The following ZNF420 variants were observed in gnomAD, a reference collection of about 807,000 sequenced individuals.
ZNF420 encodes the protein ATM and p53-associated KZNF protein.
In ZNF420, 31 loss-of-function variants were observed where a neutral mutation model predicts 44.7. That is an observed-to-expected ratio of 0.69 (90% CI 0.52 to 0.94). The LOEUF (loss-of-function observed/expected upper bound fraction) is 0.94. Ranked by LOEUF, ZNF420 falls within the 40% of genes least tolerant of loss-of-function variation. ZNF420 has a pLI of 0.00. For synonymous variants in ZNF420, 245 were observed against 267.4 expected, an observed-to-expected ratio of 0.92 and a Z score of 0.82; for missense variants, 681 against 827.9, an observed-to-expected ratio of 0.82 and a Z score of 2.18.
At chr19:37,084,526 T>C (rs929111599) in intron 2 of ZNF420, among the ~76,000 whole-genome samples, 1 of 152,196 alleles carries the variant, frequency 6.6e-6, no homozygotes, top group Non-Finnish European at 1.5e-5. Flanking sequence ...TTTAGTATTA[T>C]GGTTATTTGG....
chr19:37,104,563 T>C (rs1969969352), intron 4 of ZNF420, among the ~76,000 whole-genome samples: 1 of 152,208 alleles, frequency 6.6e-6, no homozygotes, highest in Non-Finnish European at 1.5e-5. Context: ...ATTGCCACAT[T>C]GTCTTCCACA....
chr19:37,075,911 C>T (rs2146461178), upstream of ZNF420, among the ~76,000 whole-genome samples: 1 of 152,256 alleles, frequency 6.6e-6, no homozygotes, highest in Non-Finnish European at 1.5e-5. Context: ...GTGTATCCCT[C>T]TATAAAATAT....
At chr19:37,075,468 C>T (rs1206003033), upstream of ZNF420, among the ~76,000 whole-genome samples, 2 of 152,024 alleles carry the variant, frequency 1.3e-5, no homozygotes, top group Admixed American at 6.5e-5. Flanking sequence ...AGAGGCCGGG[C>T]GCGGTAGCTC....
At position 37,127,579 on chromosome 19, in the gene ZNF420, A is replaced by G; in HGVS notation, c.588A>G (p.Ala196=). 4 of 1,614,072 alleles carry G rather than the reference A, an allele frequency of 2.5e-6. No homozygotes were observed. The highest frequency in any genetic ancestry group is 3.4e-6 in the Non-Finnish European group (4 of 1,179,928). ...TTCATACTGGTGAGAAACCCTATGCATGTAAGGAATGTGGGAAGGCCTTTA... is the reference window on the plus strand; with the variant it reads ...TTCATACTGGTGAGAAACCCTATGCGTGTAAGGAATGTGGGAAGGCCTTTA... ...QRLHTGEKPY[A]CKECGKAFTQ... is the part of the protein sequence containing the mutation. Residue 196 remains alanine (A), a synonymous_variant, in exon 5 of 5, where the codon GCA becomes GCG. Transcript: ENST00000337995.
chr19:37,103,023 T>C (rs1054569592), intron 4 of ZNF420, among the ~76,000 whole-genome samples: 13 of 152,304 alleles, frequency 8.5e-5, no homozygotes, highest in African/African-American at 3.1e-4. Context: ...TTTTGGTTTT[T>C]AGTTATGCTT....
intron 1 of ZNF420, among the ~76,000 whole-genome samples, chr19:37,067,164 A>G (rs1967980964): frequency 6.6e-6 from 1 of 152,214 alleles, no homozygotes; most frequent in African/African-American, 2.4e-5. Flanking sequence ...ATGACTAGGA[A>G]GGAGCATGAA....
upstream of ZNF420, chr19:37,078,409 G>T (rs1968228753): frequency 6.6e-6 from 1 of 152,310 alleles, no homozygotes; most frequent in African/African-American, 2.4e-5. Flanking sequence ...CTCCCGGAGC[G>T]TAGCTTCATT....
At chr19:37,118,054 A>G (rs1401376692) in intron 4 of ZNF420, among the ~76,000 whole-genome samples, 2 of 152,246 alleles carry the variant, frequency 1.3e-5, no homozygotes, top group South Asian at 4.1e-4. Context: ...ACTCTGCAGG[A>G]TATTATCCAG....
intron 1 of ZNF420, among the ~76,000 whole-genome samples, chr19:37,079,423 C>T (rs1228921274): frequency 6.6e-6 from 1 of 152,160 alleles, no homozygotes; most frequent in Non-Finnish European, 1.5e-5. Context: ...GTGCTCCTCC[C>T]ATGTGGCTCT....
chr19:37,032,676 G>A (rs192751546), intron 1 of ZNF420, among the ~76,000 whole-genome samples: 1 of 152,154 alleles, frequency 6.6e-6, no homozygotes, highest in East Asian at 1.9e-4. Flanking sequence ...GTGGTGGCAC[G>A]TGCCTGTAAT....
At chr19:37,013,015 C>T (rs1434029376) in intron 1 of ZNF420, among the ~76,000 whole-genome samples, 1 of 152,074 alleles carries the variant, frequency 6.6e-6, no homozygotes, top group Non-Finnish European at 1.5e-5. Context: ...TTTTCCCTGC[C>T]GTTCCACTTT....
chr19:37,085,787 G>C (rs1968727734), intron 2 of ZNF420, among the ~76,000 whole-genome samples: 1 of 150,898 alleles, frequency 6.6e-6, no homozygotes, highest in Admixed American at 6.6e-5. Context: ...TTTGGAGACA[G>C]GATATTGCTC....
chr19:37,128,678 G>T lies in ZNF420; in HGVS notation c.1687G>T (p.Glu563Ter). The T allele has an allele frequency of 6.2e-7, 1 of 1,614,126 alleles. No individual in the cohort carries two copies. The highest frequency in any genetic ancestry group is 8.5e-7 in the Non-Finnish European group (1 of 1,180,004). The change falls in exon 5 of 5, where the codon GAA (glutamate) becomes TAA (stop). Residue 563 changes from glutamate (E) to a stop codon, truncating the protein, a stop_gained. Transcript: ENST00000337995. LOFTEE classifies it high-confidence loss of function. ...TGGTGAGAAACCATATCAATGTAAG[G>T]AATGTGGGAAAGCCTTTATTCGTGG... ...HTGEKPYQCK[E>*]CGKAFIRGSQ...
At chr19:37,109,162 A>AAT (rs1321998001) in intron 4 of ZNF420, among the ~76,000 whole-genome samples, 1 of 152,190 alleles carries the variant, frequency 6.6e-6, no homozygotes, top group African/African-American at 2.4e-5. Flanking sequence ...TCCCTAGACA[A>AAT]ATAGGAGGAT....
intron 1 of ZNF420, among the ~76,000 whole-genome samples, chr19:37,055,878 G>A (rs899147821): frequency 6.6e-5 from 10 of 152,302 alleles, no homozygotes; most frequent in East Asian, 1.9e-4. Flanking sequence ...TGGTGTTTGG[G>A]TGAGTCTCCC....
chr19:37,011,460 C>A (rs992326633), intron 1 of ZNF420, among the ~76,000 whole-genome samples: 1 of 152,302 alleles, frequency 6.6e-6, no homozygotes, highest in Non-Finnish European at 1.5e-5. Flanking sequence ...AGAACTGAAT[C>A]TTTTGGCTGC....
chr19:37,038,505 C>T (rs1210175907), intron 1 of ZNF420, among the ~76,000 whole-genome samples: 1 of 152,226 alleles, frequency 6.6e-6, no homozygotes, highest in East Asian at 1.9e-4. Context: ...AATCAGTCCT[C>T]TCAAACCCTG....
chr19:37,011,800 G>T (rs1044680797), intron 1 of ZNF420, among the ~76,000 whole-genome samples: 9 of 152,164 alleles, frequency 5.9e-5, no homozygotes, highest in African/African-American at 2.2e-4. Flanking sequence ...GGGGACGCCA[G>T]TGCCACGTGT....
intron 4 of ZNF420, among the ~76,000 whole-genome samples, chr19:37,103,500 A>G (rs913556684): frequency 6.6e-6 from 1 of 152,180 alleles, no homozygotes; most frequent in African/African-American, 2.4e-5. Flanking sequence ...CATAATGGTC[A>G]TGACTATTCA....
Sources: gnomAD v4.1 joint callset for allele counts (sites outside exome capture counted in the v4.1 genomes callset) on GRCh38, gnomAD v4.1.1 for gene constraint, MANE v1.5 for transcripts, NCBI Gene and HGNC (gene_info 2026-07-23, HGNC 2026-07-21) for gene names.